COL24A1: variants seen among roughly 807,000 people sequenced by gnomAD.
COL24A1 encodes the protein collagen alpha-1(XXIV) chain.
COL24A1 carries 224 observed loss-of-function variants against 253.9 expected under a neutral mutation model. The observed-to-expected ratio is 0.88, with a 90% confidence interval of 0.79 to 0.99. The LOEUF is 0.99. COL24A1 is among the 50% of genes least tolerant of loss of function. COL24A1 has a pLI of 0.00. For missense variants in COL24A1, 2,131 were observed against 2,068.5 expected, an observed-to-expected ratio of 1.03 and a Z score of -0.59; for synonymous variants, 685 against 673.7, an observed-to-expected ratio of 1.02 and a Z score of -0.26.
At chr1:85,816,111 C>T (rs933552826) in intron 47 of COL24A1, among the ~76,000 whole-genome samples, 2 of 151,790 alleles carry the variant, frequency 1.3e-5, no homozygotes, top group African/African-American at 4.8e-5. Flanking sequence ...CCAAACCTGC[C>T]AAAAGTAGAG....
intron 43 of COL24A1, among the ~76,000 whole-genome samples, chr1:85,835,366 G>A (rs894763796): frequency 7.9e-5 from 12 of 152,062 alleles, no homozygotes; most frequent in East Asian, 1.9e-4. Context: ...TCCTGACCTC[G>A]TGATCTGCCC....
At chr1:86,019,925 G>A (rs1357275805) in intron 18 of COL24A1, among the ~76,000 whole-genome samples, 2 of 152,004 alleles carry the variant, frequency 1.3e-5, no homozygotes, top group Non-Finnish European at 2.9e-5. Context: ...GGTGAAACAG[G>A]CTCTCTGCCT....
In COL24A1 at chr1:85,904,298, G is replaced by A. The variant is rs891807435; in HGVS notation, c.2778+2896C>T. 1.9e-4 allele frequency among the ~76,000 whole-genome samples: 29 copies of A among 152,120 alleles called. 1 individual carries two copies. The highest frequency in any genetic ancestry group is 7.0e-4 in the African/African-American group (29 of 41,432). On this transcript the variant is annotated intron_variant, in intron 28 of 59. Coordinates refer to ENST00000370571, the MANE Select transcript of COL24A1 (RefSeq NM_152890.7). ...CCAATTCATAATCAAGAAAAAAGAT[G>A]AGGTTAACTTCGCTCTGTGTCATCT...
intron 55 of COL24A1, among the ~76,000 whole-genome samples, chr1:85,746,525 A>T (rs1192912484): frequency 6.6e-6 from 1 of 152,202 alleles, no homozygotes; most frequent in African/African-American, 2.4e-5. Context: ...TTATCTCAAA[A>T]ATCCTAATTA....
At chr1:86,036,026 C>G (rs1698979008) in intron 12 of COL24A1, among the ~76,000 whole-genome samples, 1 of 152,120 alleles carries the variant, frequency 6.6e-6, no homozygotes, top group Admixed American at 6.6e-5. Context: ...ATGCAATATT[C>G]ATTAATTTCA....
intron 37 of COL24A1, among the ~76,000 whole-genome samples, chr1:85,865,016 T>A (rs1679622383): frequency 6.6e-6 from 1 of 152,158 alleles, no homozygotes; most frequent in Non-Finnish European, 1.5e-5. Flanking sequence ...GATTCAAGCA[T>A]AAAATATACA....
At chr1:86,090,479 C>T (rs1703413032) in intron 6 of COL24A1, among the ~76,000 whole-genome samples, 2 of 152,158 alleles carry the variant, frequency 1.3e-5, no homozygotes, top group African/African-American at 4.8e-5. Flanking sequence ...TGGTGAAGTA[C>T]TAAATCCTGC....
At chr1:85,883,947 T>C (rs1325520647) in intron 32 of COL24A1, 1 of 152,258 alleles carries the variant, frequency 6.6e-6, no homozygotes, top group Admixed American at 6.5e-5. Flanking sequence ...GTACAAATTG[T>C]CTGTTAGATC....
intron 39 of COL24A1, 90 bp downstream of exon 39, chr1:85,847,575 A>C (rs1677263473): frequency 2.3e-6 from 2 of 860,066 alleles, no homozygotes; most frequent in South Asian, 3.3e-5. Context: ...TTTGTCTGTA[A>C]AGCTAATCAA....
intron 5 of COL24A1, 25 bp from the exon 6 acceptor site, chr1:86,092,345 T>C (rs930358940): frequency 1.3e-6 from 2 of 1,565,692 alleles, no homozygotes; most frequent in Non-Finnish European, 1.8e-6. Context: ...TATAAAACAG[T>C]TGGTGAAGCA....
At chr1:86,130,519 T>C (rs533112395) in intron 2 of COL24A1, among the ~76,000 whole-genome samples, 81 of 152,052 alleles carry the variant, frequency 5.3e-4, no homozygotes, top group African/African-American at 1.9e-3. Context: ...AAATTTTAAA[T>C]GTATATAATG....
At chr1:86,101,447 G>A (rs2102047391) in intron 5 of COL24A1, among the ~76,000 whole-genome samples, 1 of 152,256 alleles carries the variant, frequency 6.6e-6, no homozygotes, top group Non-Finnish European at 1.5e-5. Context: ...GTGAGAGAGG[G>A]CATACTTGTC....
chr1:85,797,724 GGT>G (rs1316907764), intron 47 of COL24A1, among the ~76,000 whole-genome samples: 1 of 152,082 alleles, frequency 6.6e-6, no homozygotes, highest in Non-Finnish European at 1.5e-5. Flanking sequence ...GTTTTGTGAG[GGT>G]TAAATCACTT....
intron 47 of COL24A1, among the ~76,000 whole-genome samples, chr1:85,798,558 C>T (rs1302948256): frequency 1.3e-5 from 2 of 152,108 alleles, no homozygotes; most frequent in East Asian, 1.9e-4. Flanking sequence ...AAGTTTCTTT[C>T]GTGTGACTAG....
intron 24 of COL24A1, among the ~76,000 whole-genome samples, chr1:85,912,591 A>G (rs568491469): frequency 1.4e-4 from 21 of 151,950 alleles, no homozygotes; most frequent in Non-Finnish European, 2.8e-4. Flanking sequence ...ACAGATCTCT[A>G]TCTATCTAAT....
chr1:85,890,408 T>C (rs1339947790), intron 31 of COL24A1, among the ~76,000 whole-genome samples: 3 of 43,676 alleles, frequency 6.9e-5, no homozygotes, highest in Non-Finnish European at 1.4e-4. Context: ...GCCACACAAA[T>C]TTTCTTTTTT....
intron 47 of COL24A1, among the ~76,000 whole-genome samples, chr1:85,801,832 C>T (rs1334749563): frequency 6.6e-6 from 1 of 152,206 alleles, no homozygotes; most frequent in Non-Finnish European, 1.5e-5. Context: ...CATAATCTTG[C>T]TCACAAAATT....
intron 7 of COL24A1, among the ~76,000 whole-genome samples, chr1:86,086,437 C>T (rs1346447070): frequency 1.3e-5 from 2 of 152,112 alleles, no homozygotes; most frequent in Non-Finnish European, 2.9e-5. Context: ...ACTCTCTCAG[C>T]CTAGGCTACT....
At chr1:86,114,359 A>T (rs975334203) in intron 4 of COL24A1, among the ~76,000 whole-genome samples, 1 of 152,226 alleles carries the variant, frequency 6.6e-6, no homozygotes, top group Non-Finnish European at 1.5e-5. Flanking sequence ...CCTGAAGTTC[A>T]TGCTGTTGAG....
Sources: gnomAD v4.1 joint callset for allele counts (sites outside exome capture counted in the v4.1 genomes callset) on GRCh38, gnomAD v4.1.1 for gene constraint, MANE v1.5 for transcripts, NCBI Gene and HGNC (gene_info 2026-07-23, HGNC 2026-07-21) for gene names.